The following EFTUD2 variants were observed in gnomAD, a reference collection of about 807,000 sequenced individuals.
The protein encoded by EFTUD2 is 116 kDa U5 small nuclear ribonucleoprotein component.
EFTUD2 carries 9 observed loss-of-function variants against 114.3 expected under a neutral mutation model. The observed-to-expected ratio is 0.08, with a 90% CI of 0.05 to 0.14. The LOEUF is 0.14. EFTUD2 is among the 10% of genes least tolerant of loss of function. The pLI is 1.00. For synonymous variants in EFTUD2, 449 were observed against 462.3 expected, an observed-to-expected ratio of 0.97 and a Z score of 0.37; for missense variants, 765 against 1,241.2, an observed-to-expected ratio of 0.62 and a Z score of 5.76.
At chr17:44,863,958 G>T in intron 14 of EFTUD2, 176 bp from the exon 15 acceptor site, 1 of 777,998 alleles carries the variant, frequency 1.3e-6, no homozygotes, top group Admixed American at 3.5e-5. Context: ...GCTGCTAGAA[G>T]ATTTGGAGTC....
chr17:44,886,414 A>C (rs1265556083), intron 3 of EFTUD2, among the ~76,000 whole-genome samples, 171 bp downstream of exon 3: 1 of 152,232 alleles, frequency 6.6e-6, no homozygotes, highest in Non-Finnish European at 1.5e-5. Flanking sequence ...CTAGTTAAGA[A>C]CTTTACTGAA....
rs1221755062 is a variant in EFTUD2 at position 44,850,614 on chromosome 17, G to C, written c.*660C>G. Reference sequence around the variant, plus strand: ...GCAAGGAAGATTCTTAGGGGAGGCAGCAGTTTCCTGAGGAGGTGGTGGGGT... The same window carrying C: ...GCAAGGAAGATTCTTAGGGGAGGCACCAGTTTCCTGAGGAGGTGGTGGGGT... On this transcript the variant is annotated 3_prime_UTR_variant, in exon 28 of 28. Coordinates refer to ENST00000426333, the MANE Select transcript of EFTUD2 (RefSeq NM_004247.4). 1.4e-5 allele frequency: 7 copies of C among 483,882 alleles called. No individual in the cohort carries two copies. Among genetic ancestry groups the C allele is most frequent in the Non-Finnish European group, 2.6e-5 (7 of 265,462 alleles). The allele number at this position is 483,882 out of a possible 1,614,324, so 30.0% of individuals were successfully genotyped here.
At chr17:44,856,130 C>CAAAA (rs1045415785) in intron 20 of EFTUD2, among the ~76,000 whole-genome samples, 7 of 37,362 alleles carry the variant, frequency 1.9e-4, no homozygotes, top group Non-Finnish European at 2.8e-4. Flanking sequence ...GACCCTGTCT[C>CAAAA]AAAAAAAAAA....
chr17:44,879,505 G>T, intron 9 of EFTUD2, 51 bp downstream of exon 9: 2 of 1,580,008 alleles, frequency 1.3e-6, no homozygotes, highest in South Asian at 1.1e-5. Flanking sequence ...GTTGCGGGGT[G>T]GGGGCAAACA....
At chr17:44,891,537 A>AAAT (rs2051278899) in intron 2 of EFTUD2, among the ~76,000 whole-genome samples, 1 of 152,156 alleles carries the variant, frequency 6.6e-6, no homozygotes, top group Non-Finnish European at 1.5e-5. Context: ...TTTTGTAGAA[A>AAAT]TGGGGTCTCA....
chr17:44,880,000 G>A (rs776930780), intron 8 of EFTUD2, among the ~76,000 whole-genome samples: 2 of 152,164 alleles, frequency 1.3e-5, no homozygotes, highest in African/African-American at 4.8e-5. Context: ...TGTGCTGCTC[G>A]AGGAAGGCAG....
chr17:44,886,644 T>C lies in EFTUD2; in HGVS notation c.212A>G (p.Glu71Gly). ...GGTCTCCACCTCAGGACCATACACC[T>C]CCTCGGCTGTTGGGTAGTACTTCTT... ...EDKKYYPTAE[E>G]VYGPEVETIV... Residue 71 changes from glutamate to glycine, a missense_variant, in exon 3 of 28, where the codon GAG becomes GGG. Around this residue, in one of 6 missense-constraint regions of EFTUD2, gnomAD observed 121 missense variants for 133.7 expected, o/e 0.90. Coordinates refer to ENST00000426333, the MANE Select transcript of EFTUD2 (RefSeq NM_004247.4). The C allele has an allele frequency of 6.2e-7, 1 of 1,614,154 alleles. No individual in the cohort carries two copies.
rs774593606 is a variant in EFTUD2 at position 44,865,024 on chromosome 17, G to T, written c.1191C>A (p.Asp397Glu). ...DVDTSLPRTL[D>E]ELGIHLTKEE... is the part of the protein sequence containing the mutation. ...CCTTCGTCAGGTGGATGCCAAGCTCGTCTAGGGTCCGTGGGAGGCTGGTGT... is the reference window on the plus strand; with the variant it reads ...CCTTCGTCAGGTGGATGCCAAGCTCTTCTAGGGTCCGTGGGAGGCTGGTGT... Residue 397 changes from aspartate to glutamate, a missense_variant, in exon 14 of 28, where the codon GAC becomes GAA. Around this residue, in one of 6 missense-constraint regions of EFTUD2, gnomAD observed 251 missense variants for 357.7 expected, o/e 0.70. Coordinates refer to ENST00000426333, the MANE Select transcript of EFTUD2 (RefSeq NM_004247.4). 50 of 1,614,198 alleles carry T rather than the reference G, an allele frequency of 3.1e-5. No individual in the cohort carries two copies. The highest frequency in any genetic ancestry group is 3.6e-5 in the Non-Finnish European group (43 of 1,180,034).
At chr17:44,894,204 C>G (rs1346185033) in intron 2 of EFTUD2, 2 of 481,432 alleles carry the variant, frequency 4.2e-6, no homozygotes, top group South Asian at 5.2e-5. Flanking sequence ...TTCATCTCCA[C>G]GAAAAATAAA....
chr17:44,870,454 G>T (rs1359214758), intron 11 of EFTUD2, among the ~76,000 whole-genome samples: 1 of 152,112 alleles, frequency 6.6e-6, no homozygotes, highest in Middle Eastern at 3.2e-3. Flanking sequence ...GCCCAATGCT[G>T]TGTGAAAAAC....
intron 11 of EFTUD2, among the ~76,000 whole-genome samples, chr17:44,868,696 G>T (rs2050795113): frequency 2.0e-5 from 3 of 152,146 alleles, no homozygotes; most frequent in African/African-American, 7.2e-5. Flanking sequence ...TCTAAACCCT[G>T]TCCCTTCTGG....
intron 10 of EFTUD2, 149 bp downstream of exon 10, chr17:44,875,785 C>A: frequency 2.4e-6 from 2 of 834,020 alleles, no homozygotes; most frequent in Non-Finnish European, 1.9e-6. Context: ...TGAAGTCAAC[C>A]CCTGCAGAGT....
At chr17:44,877,601 T>C (rs2050988515) in intron 9 of EFTUD2, among the ~76,000 whole-genome samples, 1 of 150,874 alleles carries the variant, frequency 6.6e-6, no homozygotes, top group Non-Finnish European at 1.5e-5. Flanking sequence ...AGGTCAGGAG[T>C]TCAAGACCAG....
intron 2 of EFTUD2, among the ~76,000 whole-genome samples, chr17:44,889,602 G>A (rs986864560): frequency 1.3e-5 from 2 of 152,320 alleles, no homozygotes; most frequent in Admixed American, 6.5e-5. Flanking sequence ...GGAAGGCATC[G>A]TATATGAGTA....
chr17:44,852,702 A>C, intron 25 of EFTUD2, 140 bp from the exon 26 acceptor site: 1 of 1,099,952 alleles, frequency 9.1e-7, no homozygotes, highest in Non-Finnish European at 1.3e-6. Flanking sequence ...TGTTCTACAA[A>C]AAGCAGAAAA....
At chr17:44,878,986 T>C (rs2051021527) in intron 9 of EFTUD2, among the ~76,000 whole-genome samples, 1 of 152,220 alleles carries the variant, frequency 6.6e-6, no homozygotes, top group Admixed American at 6.5e-5. Context: ...CCCTTCCTTT[T>C]ATTTACATTT....
rs954242363 is a variant in EFTUD2, at chr17:44,851,068, G to A, written c.*206C>T. The A allele has an allele frequency of 2.1e-5, 11 of 522,308 alleles. No individual in the cohort carries two copies. The highest frequency in any genetic ancestry group is 3.8e-5 in the African/African-American group (2 of 52,608). The allele number at this position is 522,308 out of a possible 1,614,324, so 32.4% of individuals were successfully genotyped here. A position where few individuals can be genotyped will look rare whatever the true frequency, so the allele number is the denominator to read the frequency against. The stretch of plus-strand genomic sequence containing the variant: ...TCTCTTTTCCTTGGGAATGGAGCCC[G>A]GCAGAGGCCACAGAAGGAAGCAGGA... On this transcript the variant is annotated 3_prime_UTR_variant, in exon 28 of 28. Transcript: ENST00000426333.
At chr17:44,856,400 C>T (rs577132112) in intron 20 of EFTUD2, among the ~76,000 whole-genome samples, 4 of 151,762 alleles carry the variant, frequency 2.6e-5, no homozygotes, top group Non-Finnish European at 4.4e-5. Flanking sequence ...TGTGGTGGTG[C>T]GTGCATGTAA....
chr17:44,894,516 A>T lies in EFTUD2; in HGVS notation c.6T>A (p.Asp2Glu), dbSNP rs774556820. 3 of 1,612,462 alleles carry T rather than the reference A, an allele frequency of 1.9e-6. No homozygotes were observed. In the Admixed American group the frequency reaches 5.0e-5, roughly 27 times the overall value. The change falls in exon 2 of 28, where the codon GAT (aspartate) becomes GAA (glutamate). Residue 2 changes from aspartate to glutamate, a missense_variant. Around this residue, in one of 6 missense-constraint regions of EFTUD2, gnomAD observed 121 missense variants for 133.7 expected, o/e 0.90. Transcript: ENST00000426333. MDTDLYDEFGNY... is the reference protein window; with the variant it reads METDLYDEFGNY... The stretch of plus-strand genomic sequence containing the variant: ...TCCCAAACTCATCATATAAGTCGGT[A>T]TCCATGATGCTAAAATTCAAGGAGA...
Sources: gnomAD v4.1 joint callset for allele counts (sites outside exome capture counted in the v4.1 genomes callset) on GRCh38, gnomAD v4.1.1 for gene constraint, gnomAD v4.1.1 regional missense constraint, MANE v1.5 for transcripts, NCBI Gene and HGNC (gene_info 2026-07-23, HGNC 2026-07-21) for gene names.